TEX36: variants seen among roughly 807,000 people sequenced by gnomAD.
The protein encoded by TEX36 is testis-expressed protein 36.
A neutral mutation model predicts 13.6 loss-of-function variants in TEX36; 12 were observed. The observed-to-expected ratio is 0.88, with a 90% CI of 0.56 to 1.43. The LOEUF (loss-of-function observed/expected upper bound fraction) is 1.43, where lower values mean the gene tolerates loss of function less well. Ranked by LOEUF, TEX36 falls within the 40% of genes most tolerant of loss-of-function variation. The pLI is 0.00. For missense variants in TEX36, 224 were observed against 228.3 expected, an observed-to-expected ratio of 0.98 and a Z score of 0.12; for synonymous variants, 93 against 83.0, an observed-to-expected ratio of 1.12 and a Z score of -0.65.
At chr10:125,629,472 T>C (rs1207607443) in intron 3 of TEX36, among the ~76,000 whole-genome samples, 1 of 152,208 alleles carries the variant, frequency 6.6e-6, no homozygotes, top group Admixed American at 6.5e-5. Context: ...TATTACTTTG[T>C]TCATTATAAA....
intron 3 of TEX36, among the ~76,000 whole-genome samples, chr10:125,660,016 A>T (rs1847008724): frequency 6.6e-6 from 1 of 152,224 alleles, no homozygotes; most frequent in Admixed American, 6.5e-5. Context: ...TAAAACACAA[A>T]CTGTATTTTA....
At chr10:125,640,191 G>A in intron 3 of TEX36, 5 of 985,414 alleles carry the variant, frequency 5.1e-6, no homozygotes, top group Non-Finnish European at 6.0e-6. Context: ...ATTGTTCTTG[G>A]ACTGAACATT....
chr10:125,578,500 G>A (rs1845851877), intron 3 of TEX36: 1 of 152,128 alleles, frequency 6.6e-6, no homozygotes, highest in South Asian at 2.1e-4. Flanking sequence ...AGATAACATG[G>A]ACAGGACCCA....
At chr10:125,628,821 A>T (rs964049310) in intron 3 of TEX36, among the ~76,000 whole-genome samples, 2 of 152,208 alleles carry the variant, frequency 1.3e-5, no homozygotes, top group Non-Finnish European at 2.9e-5. Flanking sequence ...CAGACATCCC[A>T]GGTGATGCAT....
chr10:125,614,471 A>C lies in TEX36; in HGVS notation c.265-37597T>G, dbSNP rs960860310. On this transcript the variant is annotated intron_variant, in intron 3 of 3. Transcript: ENST00000532135. ...ATTGATTTTTGTATAAGGTGTAAGG[A>C]AGGGATCCAGTTTCAGCTTTCTACA... is the stretch of plus-strand genomic sequence containing the variant. Among the ~76,000 whole-genome samples the C allele has an allele frequency of 4.3e-4, 65 of 150,810 alleles. No individual in the cohort carries two copies. In the East Asian group the frequency reaches 7.0e-3, roughly 16 times the overall value.
chr10:125,587,224 G>A (rs570599200), intron 3 of TEX36, among the ~76,000 whole-genome samples: 1 of 152,188 alleles, frequency 6.6e-6, no homozygotes, highest in Non-Finnish European at 1.5e-5. Flanking sequence ...GTGTGGTGGT[G>A]TGCTCCTGTA....
chr10:125,682,732 G>T (rs1488065868), intron 1 of TEX36, among the ~76,000 whole-genome samples: 3 of 152,232 alleles, frequency 2.0e-5, no homozygotes, highest in Non-Finnish European at 2.9e-5. Flanking sequence ...AGTGTGCTGA[G>T]CATTTTACAT....
At chr10:125,626,624 A>G (rs953592452) in intron 3 of TEX36, among the ~76,000 whole-genome samples, 4 of 152,188 alleles carry the variant, frequency 2.6e-5, no homozygotes, top group African/African-American at 7.2e-5. Flanking sequence ...GAATTCTCCC[A>G]GGCATTAAAG....
intron 3 of TEX36, among the ~76,000 whole-genome samples, chr10:125,632,140 T>G (rs1589763338): frequency 6.6e-6 from 1 of 152,086 alleles, no homozygotes; most frequent in East Asian, 1.9e-4. Context: ...ACTCCCAGGC[T>G]TGGGGCTTTG....
downstream of TEX36, among the ~76,000 whole-genome samples, chr10:125,653,353 C>G (rs539448977): frequency 2.6e-5 from 4 of 151,454 alleles, no homozygotes; most frequent in Admixed American, 2.6e-4. Flanking sequence ...TGGATGAAGC[C>G]GGAAAACATC....
chr10:125,593,678 G>A (rs1253903055), intron 3 of TEX36, among the ~76,000 whole-genome samples: 1 of 152,156 alleles, frequency 6.6e-6, no homozygotes, highest in Non-Finnish European at 1.5e-5. Context: ...ATGCAAAAGG[G>A]CAACTCTTGT....
At chr10:125,675,294 A>T (rs980246077) in intron 1 of TEX36, among the ~76,000 whole-genome samples, 3 of 152,124 alleles carry the variant, frequency 2.0e-5, no homozygotes, top group African/African-American at 7.2e-5. Context: ...GGCAGACTGG[A>T]GCTACAGCAA....
chr10:125,599,926 C>T (rs907750581), intron 3 of TEX36, among the ~76,000 whole-genome samples: 2 of 152,182 alleles, frequency 1.3e-5, no homozygotes, highest in African/African-American at 4.8e-5. Flanking sequence ...CCCCCAATCC[C>T]AGGCTCAGCC....
At chr10:125,585,609 C>T (rs186543699) in intron 3 of TEX36, among the ~76,000 whole-genome samples, 181 of 152,316 alleles carry the variant, frequency 1.2e-3, no homozygotes, top group Non-Finnish European at 2.4e-3. Flanking sequence ...AGGTGTCCTA[C>T]CCTATGTGTA....
At chr10:125,668,666 T>G (rs1289357867) in intron 1 of TEX36, among the ~76,000 whole-genome samples, 1 of 152,208 alleles carries the variant, frequency 6.6e-6, no homozygotes, top group Non-Finnish European at 1.5e-5. Flanking sequence ...AAGAATCAAC[T>G]TTTAATTTCA....
chr10:125,637,367 T>TTAACATA (rs1000788784), intron 3 of TEX36, among the ~76,000 whole-genome samples: 4 of 152,188 alleles, frequency 2.6e-5, no homozygotes, highest in African/African-American at 9.6e-5. Context: ...GACATTTCAC[T>TTAACATA]TAACATAAGA....
At chr10:125,621,607 T>C (rs1250201342), downstream of TEX36, 1 of 456,026 alleles carries the variant, frequency 2.2e-6, no homozygotes, top group South Asian at 1.5e-5. Flanking sequence ...TTGACTCACA[T>C]GATCACAAAG....
intron 3 of TEX36, among the ~76,000 whole-genome samples, chr10:125,647,904 T>C (rs1320363146): frequency 1.3e-5 from 2 of 152,228 alleles, no homozygotes; most frequent in Non-Finnish European, 2.9e-5. Flanking sequence ...CCTTGGTCAC[T>C]GCTAGCACAG....
downstream of TEX36, among the ~76,000 whole-genome samples, chr10:125,621,380 A>T (rs369879566): frequency 1.8e-4 from 28 of 152,070 alleles, no homozygotes; most frequent in East Asian, 4.3e-3. Flanking sequence ...TTTTTTTAAT[A>T]GTAGTCATCC....
Sources: gnomAD v4.1 joint callset for allele counts (sites outside exome capture counted in the v4.1 genomes callset) on GRCh38, gnomAD v4.1.1 for gene constraint, MANE v1.5 for transcripts, NCBI Gene and HGNC (gene_info 2026-07-23, HGNC 2026-07-21) for gene names.